The following PDE4D variants were observed in gnomAD, a reference collection of about 807,000 sequenced individuals.
PDE4D encodes the protein 3',5'-cyclic-AMP phosphodiesterase 4D.
A neutral mutation model predicts 87.4 loss-of-function variants in PDE4D; 24 were observed. The ratio of observed to expected loss-of-function variants is 0.27; its 90% CI spans 0.20 to 0.39. PDE4D has a LOEUF of 0.39. PDE4D is among the 10% of genes least tolerant of loss of function. The probability of loss-of-function intolerance (pLI) is 1.00; values close to 1 mark genes in which losing one functional copy is unlikely to be tolerated. For missense variants in PDE4D, 714 were observed against 1,041.0 expected, an observed-to-expected ratio of 0.69 and a Z score of 4.32; for synonymous variants, 384 against 383.2, an observed-to-expected ratio of 1.00 and a Z score of -0.02.
At chr5:59,569,974 C>T (rs1821555291) in intron 1 of PDE4D, among the ~76,000 whole-genome samples, 1 of 152,106 alleles carries the variant, frequency 6.6e-6, no homozygotes, top group Admixed American at 6.5e-5. Context: ...AAATAGGTTC[C>T]ATATTTTACC....
At chr5:60,076,539 T>C (rs1041192109) in intron 2 of PDE4D, among the ~76,000 whole-genome samples, 3 of 152,090 alleles carry the variant, frequency 2.0e-5, no homozygotes, top group Admixed American at 1.3e-4. Flanking sequence ...TTCATGGTGG[T>C]ATAAGGTGGG....
intron 3 of PDE4D, among the ~76,000 whole-genome samples, chr5:59,904,352 C>A (rs1018316061): frequency 6.6e-6 from 1 of 152,134 alleles, no homozygotes; most frequent in Non-Finnish European, 1.5e-5. Flanking sequence ...GGACCCCAAA[C>A]TAGAAACCTT....
At position 59,762,854 on chromosome 5, in the gene PDE4D, GATATATATATATATATATAT is replaced by G. The variant is rs35979900; in HGVS notation, c.455+130294_455+130313del. ...ACTAAAAAAGAGCAAACTGCTTAAGGATATATATATATATATATATATATATATATATATATATAGCTTGC... is the reference window on the plus strand; with the variant it reads ...ACTAAAAAAGAGCAAACTGCTTAAGGATATATATATATATATATAGCTTGC... On this transcript the variant is annotated intron_variant, in intron 1 of 14. Coordinates refer to ENST00000340635, the MANE Select transcript of PDE4D (RefSeq NM_001104631.2). Among the ~76,000 whole-genome samples the G allele has an allele frequency of 2.4e-3, 126 of 51,690 alleles. 2 individuals carry two copies. Among genetic ancestry groups the G allele is most frequent in the African/African-American group, 8.0e-3 (110 of 13,808 alleles). The allele number at this position is 51,690 out of a possible 152,430, so 33.9% of individuals were successfully genotyped here. A position where few individuals can be genotyped will look rare whatever the true frequency, so the allele number is the denominator to read the frequency against.
intron 1 of PDE4D, among the ~76,000 whole-genome samples, chr5:59,674,399 T>C (rs952068271): frequency 3.8e-4 from 58 of 152,174 alleles, no homozygotes; most frequent in African/African-American, 1.4e-3. Flanking sequence ...ACCAGCACAA[T>C]GCCTAGCATG....
intron 1 of PDE4D, among the ~76,000 whole-genome samples, chr5:60,442,369 T>C (rs986866574): frequency 6.6e-6 from 1 of 151,594 alleles, no homozygotes; most frequent in Non-Finnish European, 1.5e-5. Context: ...GTGTTTTCAC[T>C]CATAAGTGGG....
At chr5:60,084,355 T>C (rs1053102419) in intron 2 of PDE4D, among the ~76,000 whole-genome samples, 5 of 152,180 alleles carry the variant, frequency 3.3e-5, no homozygotes, top group African/African-American at 1.2e-4. Flanking sequence ...ATTAGAAATA[T>C]GACATTTTAT....
At chr5:59,589,806 A>G (rs912556510) in intron 1 of PDE4D, among the ~76,000 whole-genome samples, 3 of 152,196 alleles carry the variant, frequency 2.0e-5, no homozygotes, top group African/African-American at 7.2e-5. Flanking sequence ...TGATTTGGCC[A>G]TTAAACTACT....
chr5:60,427,012 A>G (rs1743779981), intron 1 of PDE4D, among the ~76,000 whole-genome samples: 1 of 152,222 alleles, frequency 6.6e-6, no homozygotes, highest in Non-Finnish European at 1.5e-5. Context: ...TTAATCTTAG[A>G]AAGGAAGAGT....
chr5:60,036,136 A>G (rs13157868), intron 2 of PDE4D, among the ~76,000 whole-genome samples: 76,811 of 152,012 alleles, frequency 0.51, 19,849 homozygotes, highest in East Asian at 0.82. Flanking sequence ...ACACAAATGA[A>G]TGTATTCATG....
At chr5:59,875,684 A>T (rs533681928) in intron 1 of PDE4D, among the ~76,000 whole-genome samples, 1 of 151,998 alleles carries the variant, frequency 6.6e-6, no homozygotes, top group East Asian at 1.9e-4. Context: ...ACTTCCAACC[A>T]ATCCACACTA....
intron 1 of PDE4D, among the ~76,000 whole-genome samples, chr5:59,229,462 G>A (rs914278186): frequency 5.9e-5 from 9 of 152,256 alleles, no homozygotes; most frequent in Non-Finnish European, 1.0e-4. Context: ...GGGTTATTTT[G>A]AATATCCTTC....
chr5:60,259,577 T>A (rs1749434561), intron 1 of PDE4D, among the ~76,000 whole-genome samples: 1 of 152,232 alleles, frequency 6.6e-6, no homozygotes, highest in Non-Finnish European at 1.5e-5. Context: ...AGATTCCTGA[T>A]CATAGATATC....
chr5:59,794,578 T>C (rs990518809), intron 1 of PDE4D, among the ~76,000 whole-genome samples: 2 of 152,124 alleles, frequency 1.3e-5, no homozygotes, highest in Non-Finnish European at 2.9e-5. Flanking sequence ...ATTATACCAA[T>C]TGTCACCTCC....
At chr5:59,774,560 G>GT (rs111268735) in intron 1 of PDE4D, among the ~76,000 whole-genome samples, 95,322 of 151,938 alleles carry the variant, frequency 0.63, 31,590 homozygotes, top group African/African-American at 0.84. Context: ...GTTATATGGG[G>GT]TTTTTTTCCT....
intron 1 of PDE4D, among the ~76,000 whole-genome samples, chr5:59,473,155 C>A (rs2153652753): frequency 1.4e-5 from 2 of 146,994 alleles, no homozygotes; most frequent in Admixed American, 1.4e-4. Flanking sequence ...GAATACAATA[C>A]ATACTGAAAA....
At chr5:59,382,609 G>C (rs939818810) in intron 1 of PDE4D, among the ~76,000 whole-genome samples, 2 of 152,102 alleles carry the variant, frequency 1.3e-5, no homozygotes, top group African/African-American at 4.8e-5. Flanking sequence ...AATTCTCATA[G>C]TCCATAGGGT....
At chr5:60,259,872 T>C (rs1749463203) in intron 1 of PDE4D, among the ~76,000 whole-genome samples, 1 of 152,038 alleles carries the variant, frequency 6.6e-6, no homozygotes, top group Non-Finnish European at 1.5e-5. Context: ...TTTACTGTAT[T>C]TCTGGGATGG....
At chr5:60,005,577 C>T (rs971725657) in intron 2 of PDE4D, among the ~76,000 whole-genome samples, 3 of 151,778 alleles carry the variant, frequency 2.0e-5, no homozygotes, top group Admixed American at 2.0e-4. Context: ...ACAATGTATA[C>T]CTATATCAAG....
At chr5:60,118,760 C>A (rs528726873) in intron 2 of PDE4D, among the ~76,000 whole-genome samples, 2 of 152,148 alleles carry the variant, frequency 1.3e-5, no homozygotes, top group South Asian at 4.1e-4. Flanking sequence ...CTCAAACAAC[C>A]TGCATTATCA....
Sources: gnomAD v4.1 joint callset for allele counts (sites outside exome capture counted in the v4.1 genomes callset) on GRCh38, gnomAD v4.1.1 for gene constraint, MANE v1.5 for transcripts, NCBI Gene and HGNC (gene_info 2026-07-23, HGNC 2026-07-21) for gene names.